The following R3HCC1 variants were observed in gnomAD, a reference collection of about 807,000 sequenced individuals.
R3HCC1 encodes R3H and coiled-coil domain-containing protein 1.
Under a neutral mutation model 40.0 loss-of-function variants are expected in R3HCC1, and 32 were observed. The observed-to-expected ratio is 0.80, with a 90% confidence interval of 0.60 to 1.07. The LOEUF (loss-of-function observed/expected upper bound fraction) is 1.07, where lower values mean the gene tolerates loss of function less well. Among genes scored for constraint, R3HCC1 ranks in the 50% least tolerant of loss-of-function variants. R3HCC1 has a pLI of 0.00. For synonymous variants in R3HCC1, 237 were observed against 232.8 expected (o/e 1.02, Z -0.17); for missense variants, 586 against 563.3 (o/e 1.04, Z -0.41).
Position 23,290,395 on chromosome 8 carries a change from G to A in R3HCC1, c.778G>A (p.Glu260Lys). The change falls in exon 4 of 8, where the codon GAG becomes AAG. Residue 260 changes from glutamate (E) to lysine (K), a missense_variant. Transcript: ENST00000265806. ...GAAGAGGCTGGTGGCAGAGGAGGAA[G>A]AGGACGAAGAGGAGGTGGAAGAGGA... is the stretch of plus-strand genomic sequence containing the variant. 2 of 1,551,760 alleles carry A rather than the reference G, an allele frequency of 1.3e-6. No individual in the cohort carries two copies. Among genetic ancestry groups the A allele is most frequent in the Non-Finnish European group, 1.7e-6 (2 of 1,147,032 alleles).
In R3HCC1 at chr8:23,293,389, T is replaced by A. The variant is rs1220879620; in HGVS notation, c.1096+16T>A. On this transcript the variant is annotated intron_variant, in intron 6 of 7. Coordinates refer to ENST00000265806, the MANE Select transcript of R3HCC1 (RefSeq NM_001136108.3). ...CTGGCCTCAGGTAAGGCACCCCCAG[T>A]GGGCCCAGCCCTTGCTCGGATCCCT... 1.3e-6 allele frequency: 2 copies of A among 1,545,992 alleles called. No individual in the cohort carries two copies. The highest frequency in any genetic ancestry group is 2.0e-5 in the Admixed American group (1 of 50,972).
chr8:23,295,004 C>T, intron 7 of R3HCC1, 140 bp downstream of exon 7: 3 of 701,262 alleles, frequency 4.3e-6, no homozygotes, highest in East Asian at 2.8e-5. Flanking sequence ...CTTCTCTGCT[C>T]TTAGGGAGCC....
chr8:23,295,391 AGCCCTGAG>A (rs1373857605), intron 7 of R3HCC1: 1 of 443,910 alleles, frequency 2.3e-6, no homozygotes, highest in African/African-American at 2.0e-5. Context: ...ACCTGCCTGG[AGCCCTGAG>A]GGCACATAGA....
In R3HCC1 at chr8:23,296,255, A is replaced by C; in HGVS notation, c.*158A>C. 3.4e-6 allele frequency: 3 copies of C among 874,988 alleles called. No homozygotes were observed. Among genetic ancestry groups the C allele is most frequent in the Non-Finnish European group, 5.0e-6 (3 of 604,644 alleles). The allele number at this position is 874,988 out of a possible 1,614,324, so 54.2% of individuals were successfully genotyped here. On this transcript the variant is annotated 3_prime_UTR_variant, in exon 8 of 8. Transcript: ENST00000265806. ...TTAGTCCCAGAAATGGAGAAAAAAT[A>C]AAAACTCACGTTGTTCTAATGTGAT...
rs1371037398 is a variant in R3HCC1, at chr8:23,289,929, C to T, written c.312C>T (p.Tyr104=). 1 of 1,535,750 alleles carries T rather than the reference C, an allele frequency of 6.5e-7. No homozygotes were observed. The highest frequency in any genetic ancestry group is 1.4e-5 in the African/African-American group (1 of 73,068). ...CTCCTGCCTCCTGCCCCAGCAGGTA[C>T]CACGGTCCTCGGCCCATCTCCAACC... The change falls in exon 4 of 8, where the codon TAC becomes TAT. Residue 104 remains tyrosine (Y), a synonymous_variant. Coordinates refer to ENST00000265806, the MANE Select transcript of R3HCC1 (RefSeq NM_001136108.3).
At position 23,288,653 on chromosome 8, in the gene R3HCC1, G is replaced by C. The variant is rs1335098198; in HGVS notation, c.110+20G>C. 2 of 1,534,518 alleles carry C rather than the reference G, an allele frequency of 1.3e-6. No homozygotes were observed. The highest frequency in any genetic ancestry group is 1.7e-6 in the Non-Finnish European group (2 of 1,145,622). ...GTCAAAGTAGGCTCATGTGAGGGGC[G>C]AGGGTGCCGCCTTGCTGGGAAGGGC... On this transcript the variant is annotated intron_variant, in intron 2 of 7. Transcript: ENST00000265806.
At position 23,290,133 on chromosome 8, in the gene R3HCC1, T is replaced by C; in HGVS notation, c.516T>C (p.Asp172=). 6.4e-7 allele frequency: 1 copy of C among 1,551,526 alleles called. No individual in the cohort carries two copies. Among genetic ancestry groups the C allele is most frequent in the Non-Finnish European group, 8.7e-7 (1 of 1,147,002 alleles). ...GCAGGGACCCAGAAGAGCCTGGAGA[T>C]GTTGGTGCTGGAGACCCCAACTCTG... is the stretch of plus-strand genomic sequence containing the variant. Residue 172 remains aspartate (D), a synonymous_variant, in exon 4 of 8, where the codon GAT becomes GAC. Transcript: ENST00000265806.
intron 6 of R3HCC1, 31 bp downstream of exon 6, chr8:23,293,404 C>T (rs776941051): frequency 2.0e-6 from 3 of 1,518,444 alleles, no homozygotes; most frequent in Non-Finnish European, 2.7e-6. Flanking sequence ...CCAGCCCTTG[C>T]TCGGATCCCT....
rs1802829389 is a variant in R3HCC1, at chr8:23,290,072, C to T, written c.455C>T (p.Thr152Ile). 5 of 1,549,142 alleles carry T rather than the reference C, an allele frequency of 3.2e-6. No homozygotes were observed. Among genetic ancestry groups the T allele is most frequent in the South Asian group, 1.2e-5 (1 of 84,066 alleles). Reference sequence around the variant, plus strand: ...CGCAGGCAGGAAGAATGGGGGCTGACCTCTACCTCGGTGCTCAAGAGAGAG... The same window carrying T: ...CGCAGGCAGGAAGAATGGGGGCTGATCTCTACCTCGGTGCTCAAGAGAGAG... Residue 152 changes from threonine to isoleucine, a missense_variant, in exon 4 of 8, where the codon ACC becomes ATC. Physicochemically the swap from Thr to Ile is moderately conservative, Grantham distance 89. Coordinates refer to ENST00000265806, the MANE Select transcript of R3HCC1 (RefSeq NM_001136108.3).
intron 5 of R3HCC1, among the ~76,000 whole-genome samples, chr8:23,291,807 C>T (rs565420573): frequency 3.3e-5 from 5 of 152,354 alleles, no homozygotes; most frequent in East Asian, 1.9e-4. Flanking sequence ...GGATGCCATG[C>T]GCCCTCCCTC....
At chr8:23,295,921 GCCACGACCTTGTGTTTAGGTC>G in intron 7 of R3HCC1, 25 bp from the exon 8 acceptor site, 4 of 1,513,742 alleles carry the variant, frequency 2.6e-6, no homozygotes. Flanking sequence ...GGGAGAGGCA[GCCACGACCTTGTGTTTAGGTC>G]CCCACTGTGG....
At chr8:23,288,803 AC>A (rs1054194186) in intron 2 of R3HCC1, among the ~76,000 whole-genome samples, 170 bp downstream of exon 2, 13 of 151,646 alleles carry the variant, frequency 8.6e-5, no homozygotes, top group Admixed American at 8.5e-4. Flanking sequence ...TGTGAGCATC[AC>A]CCCCAGACTG....
In R3HCC1 at chr8:23,291,394, A is replaced by G. The variant is rs528460832; in HGVS notation, c.886A>G (p.Ile296Val). ...CAACCTGACGAAGAAGGAGATTCAGATAGAGAAGATCCATTTGGACACATC... is the reference window on the plus strand; with the variant it reads ...CAACCTGACGAAGAAGGAGATTCAGGTAGAGAAGATCCATTTGGACACATC... Residue 296 changes from isoleucine (I) to valine (V), a missense_variant, in exon 5 of 8, where the codon ATA (isoleucine) becomes GTA (valine). Physicochemically the swap from Ile to Val is conservative, Grantham distance 29 (BLOSUM62 3). Coordinates refer to ENST00000265806, the MANE Select transcript of R3HCC1 (RefSeq NM_001136108.3). The G allele has an allele frequency of 4.7e-5, 73 of 1,551,828 alleles. No homozygotes were observed. The South Asian group carries it at 8.4e-4, about 18-fold the overall frequency.
In R3HCC1 at chr8:23,290,299, G is replaced by T. The variant is rs1206416590; in HGVS notation, c.682G>T (p.Val228Leu). Residue 228 changes from valine (V) to leucine (L), a missense_variant, in exon 4 of 8, where the codon GTG becomes TTG. Val to Leu is a conservative substitution (Grantham distance 32). Coordinates refer to ENST00000265806, the MANE Select transcript of R3HCC1 (RefSeq NM_001136108.3). Reference sequence around the variant, plus strand: ...GAGTCAGTCAGGGAAGGGAGACATGGTGGAGATGGCCACACGGTTTGGGTC... The same window carrying T: ...GAGTCAGTCAGGGAAGGGAGACATGTTGGAGATGGCCACACGGTTTGGGTC... 1.3e-6 allele frequency: 2 copies of T among 1,551,670 alleles called. No individual in the cohort carries two copies.
chr8:23,288,528 C>T lies in R3HCC1; in HGVS notation c.5C>T (p.Ala2Val). 6.5e-7 allele frequency: 1 copy of T among 1,536,124 alleles called. No individual in the cohort carries two copies. Among genetic ancestry groups the T allele is most frequent in the Non-Finnish European group, 8.7e-7 (1 of 1,146,900 alleles). ...CAGGCTCTCCCACCTGTCACCCTGG[C>T]CCTTCTCTGCTTGGATGGTGTCTTC... The change falls in exon 2 of 8, where the codon GCC (alanine) becomes GTC (valine). Residue 2 changes from alanine to valine, a missense_variant. Ala to Val is a moderately conservative substitution (Grantham distance 64). Coordinates refer to ENST00000265806, the MANE Select transcript of R3HCC1 (RefSeq NM_001136108.3).
intron 3 of R3HCC1, 21 bp from the exon 4 acceptor site, chr8:23,289,845 C>T (rs750659525): frequency 1.4e-6 from 2 of 1,480,894 alleles, no homozygotes; most frequent in South Asian, 2.7e-5. Flanking sequence ...CTCTGATTAC[C>T]TCCTCCCATT....
intron 7 of R3HCC1, among the ~76,000 whole-genome samples, chr8:23,295,194 A>G (rs1414078415): frequency 6.6e-6 from 1 of 152,176 alleles, no homozygotes; most frequent in East Asian, 1.9e-4. Context: ...GGGCCCTGGA[A>G]ACCGTATCCC....
At chr8:23,288,438 C>A in intron 1 of R3HCC1, 68 bp from the exon 2 acceptor site, 1 of 1,518,526 alleles carries the variant, frequency 6.6e-7, no homozygotes. Context: ...TCGGTGCCGG[C>A]GTTGCGGGGT....
intron 5 of R3HCC1, among the ~76,000 whole-genome samples, chr8:23,291,736 G>A (rs1802871077): frequency 1.3e-5 from 2 of 152,272 alleles, no homozygotes; most frequent in South Asian, 4.1e-4. Flanking sequence ...TTTGTTGGTT[G>A]TAGACACACC....
Sources: allele counts gnomAD v4.1 joint callset (sites outside exome capture counted in the v4.1 genomes callset), GRCh38; gene constraint gnomAD v4.1.1; transcripts MANE v1.5; gene names NCBI Gene and HGNC (gene_info 2026-07-23, HGNC 2026-07-21).